Variants in DDX31 observed in about 807,000 individuals in gnomAD.
DDX31 encodes the protein ATP-dependent DNA helicase DDX31.
DDX31 carries 70 observed loss-of-function variants against 91.3 expected under a neutral mutation model. The ratio of observed to expected loss-of-function variants is 0.77; its 90% CI spans 0.63 to 0.94. The LOEUF is 0.94. Ranked by LOEUF, DDX31 falls within the 40% of genes least tolerant of loss-of-function variation. DDX31 has a pLI of 0.00. For synonymous variants in DDX31, 362 were observed against 350.6 expected, an observed-to-expected ratio of 1.03 and a Z score of -0.36; for missense variants, 902 against 925.0, an observed-to-expected ratio of 0.98 and a Z score of 0.32.
rs963202397 is a variant in DDX31, at chr9:132,597,428, C to T, written c.1995-2316G>A. ...GAAAAGGGTCTGACAGGAAGGAATG[C>T]TTTTTCTTCCCTCTTGTTTGAAGCC... On this transcript the variant is annotated intron_variant, in intron 19 of 19. Coordinates refer to ENST00000372159, the MANE Select transcript of DDX31 (RefSeq NM_022779.9). Among the ~76,000 whole-genome samples the T allele has an allele frequency of 2.0e-5, 3 of 152,224 alleles. No homozygotes were observed. In the East Asian group the frequency reaches 5.8e-4, roughly 29 times the overall value.
intron 1 of DDX31, 116 bp from the exon 2 acceptor site, chr9:132,662,811 G>T: frequency 7.4e-7 from 1 of 1,347,108 alleles, no homozygotes; most frequent in Non-Finnish European, 1.0e-6. Flanking sequence ...AGATCATTAT[G>T]CCCCATATGT....
At chr9:132,625,569 T>C (rs1383151838) in intron 17 of DDX31, 95 bp downstream of exon 17, 1 of 871,804 alleles carries the variant, frequency 1.1e-6, no homozygotes, top group African/African-American at 1.7e-5. Flanking sequence ...ATGTATTGCT[T>C]GACAGAGGAA....
intron 5 of DDX31, 42 bp from the exon 6 acceptor site, chr9:132,658,777 A>G (rs1372412464): frequency 6.4e-7 from 1 of 1,574,032 alleles, no homozygotes; most frequent in Admixed American, 1.7e-5. Flanking sequence ...CACACACCCT[A>G]CAGATGTTTA....
chr9:132,631,088 A>G (rs964338145), intron 15 of DDX31, among the ~76,000 whole-genome samples: 34 of 152,230 alleles, frequency 2.2e-4, no homozygotes, highest in African/African-American at 7.0e-4. Flanking sequence ...CACTCATTAC[A>G]ATGGATAATG....
intron 10 of DDX31, 41 bp downstream of exon 10, chr9:132,648,391 C>T: frequency 1.2e-6 from 2 of 1,608,748 alleles, no homozygotes; most frequent in Non-Finnish European, 1.7e-6. Flanking sequence ...GGAGAAACAG[C>T]CCTTCTCTTC....
Position 132,593,768 on chromosome 9 carries a change from G to GGA in DDX31, c.*1097_*1098insTC. 6.6e-6 allele frequency: 1 copy of GGA among 152,018 alleles called. No homozygotes were observed. The highest frequency in any genetic ancestry group is 2.1e-4 in the South Asian group (1 of 4,792). The allele number at this position is 152,018 out of a possible 1,614,324, so 9.4% of individuals were successfully genotyped here. ...CTCAGACCTTCCAAGGATCTGGGGG[G>GGA]ATCTACTGAAGTGGTGCCTCAACAC... On this transcript the variant is annotated 3_prime_UTR_variant, in exon 20 of 20. Coordinates refer to ENST00000372159, the MANE Select transcript of DDX31 (RefSeq NM_022779.9).
At chr9:132,616,307 T>C (rs1317594844) in intron 18 of DDX31, among the ~76,000 whole-genome samples, 2 of 152,228 alleles carry the variant, frequency 1.3e-5, no homozygotes, top group East Asian at 3.8e-4. Flanking sequence ...CATTGGGAAG[T>C]GACCCTGTTC....
At chr9:132,632,947 C>T (rs1832885850) in intron 14 of DDX31, among the ~76,000 whole-genome samples, 1 of 152,180 alleles carries the variant, frequency 6.6e-6, no homozygotes, top group Non-Finnish European at 1.5e-5. Context: ...CTTTAGCATA[C>T]ATCTGTACTC....
chr9:132,644,337 C>T (rs1002349151), intron 13 of DDX31, among the ~76,000 whole-genome samples: 3 of 152,202 alleles, frequency 2.0e-5, no homozygotes, highest in Non-Finnish European at 4.4e-5. Flanking sequence ...CTACTGAGCA[C>T]TTCCTGTGTG....
chr9:132,658,297 C>T (rs1456942962), intron 6 of DDX31: 3 of 703,242 alleles, frequency 4.3e-6, no homozygotes, highest in East Asian at 5.4e-5. Flanking sequence ...GCTGCATGGC[C>T]TTGGTTATTT....
At chr9:132,607,010 G>A (rs1206321196) in intron 19 of DDX31, among the ~76,000 whole-genome samples, 8 of 152,324 alleles carry the variant, frequency 5.3e-5, no homozygotes, top group Admixed American at 2.6e-4. Context: ...TGATAATTCA[G>A]ACAGGAAAAA....
intron 19 of DDX31, among the ~76,000 whole-genome samples, chr9:132,597,649 G>A (rs950480027): frequency 5.9e-5 from 9 of 152,168 alleles, no homozygotes; most frequent in African/African-American, 1.7e-4. Flanking sequence ...TGCGGGCTGC[G>A]GGAGCATCTT....
chr9:132,614,261 T>C (rs1180277764), intron 18 of DDX31, among the ~76,000 whole-genome samples: 1 of 152,118 alleles, frequency 6.6e-6, no homozygotes, highest in Non-Finnish European at 1.5e-5. Flanking sequence ...CCAAGGCAAC[T>C]CCTCTGTACC....
chr9:132,664,746 T>TGA (rs980118239), intron 1 of DDX31, among the ~76,000 whole-genome samples: 5 of 146,948 alleles, frequency 3.4e-5, no homozygotes, highest in African/African-American at 1.3e-4. Flanking sequence ...AACTGTAATA[T>TGA]GATCAACAAA....
intron 11 of DDX31, among the ~76,000 whole-genome samples, chr9:132,647,578 T>C (rs1444378796): frequency 6.6e-6 from 1 of 152,142 alleles, no homozygotes; most frequent in Non-Finnish European, 1.5e-5. Context: ...ATCTGGTACA[T>C]GCACATCATA....
At chr9:132,596,995 G>A (rs1379774036) in intron 19 of DDX31, among the ~76,000 whole-genome samples, 3 of 152,186 alleles carry the variant, frequency 2.0e-5, no homozygotes, top group Non-Finnish European at 4.4e-5. Flanking sequence ...GCACTCAGGT[G>A]TGAGGATTAG....
intron 6 of DDX31, among the ~76,000 whole-genome samples, chr9:132,654,561 C>T (rs950743631): frequency 3.9e-5 from 6 of 152,028 alleles, no homozygotes; most frequent in African/African-American, 7.3e-5. Context: ...TGCAGTGAGC[C>T]GAGATCGTGC....
chr9:132,622,100 C>T (rs1372416270), intron 17 of DDX31, among the ~76,000 whole-genome samples: 7 of 152,064 alleles, frequency 4.6e-5, no homozygotes, highest in Non-Finnish European at 1.0e-4. Flanking sequence ...AGTTTCTAGA[C>T]CTAAGAATCT....
At chr9:132,663,275 C>T in intron 1 of DDX31, 2 of 1,289,198 alleles carry the variant, frequency 1.6e-6, no homozygotes, top group Non-Finnish European at 2.0e-6. Context: ...AGCTGCTCCT[C>T]CAGATTCAGA....
Sources: gnomAD v4.1 joint callset for allele counts (sites outside exome capture counted in the v4.1 genomes callset) on GRCh38, gnomAD v4.1.1 for gene constraint, MANE v1.5 for transcripts, NCBI Gene and HGNC (gene_info 2026-07-23, HGNC 2026-07-21) for gene names.